The following TTN variants were observed in gnomAD, a reference collection of about 807,000 sequenced individuals.
TTN encodes the protein connectin.
Under a neutral mutation model 3,223.0 loss-of-function variants are expected in TTN, and 1,525 were observed. The ratio of observed to expected loss-of-function variants is 0.47; its 90% confidence interval spans 0.45 to 0.49. The LOEUF is 0.49. TTN is among the 20% of genes least tolerant of loss of function. TTN has a pLI of 0.00. For missense variants in TTN, 40,786 were observed against 43,424.0 expected (o/e 0.94, Z 5.40); for synonymous variants, 14,094 against 15,161.0 (o/e 0.93, Z 5.17).
rs1334818811 is a variant in TTN, at chr2:178,777,150, T to G, written c.4813A>C (p.Arg1605=). Reference sequence around the variant, plus strand: ...TAGCTTTATTATTTCCATACTTACCTGATTTTGGGATATTTATGAGGCACA... The same window carrying G: ...TAGCTTTATTATTTCCATACTTACCGGATTTTGGGATATTTATGAGGCACA... ...IIVPHKYPKI[R]IEGTKGEAAL... The change falls in exon 27 of 363, where the codon AGA becomes CGA. Residue 1605 remains arginine, a splice_region_variant and synonymous_variant. Coordinates refer to ENST00000589042, the MANE Select transcript of TTN (RefSeq NM_001267550.2). The G allele has an allele frequency of 6.2e-7, 1 of 1,614,130 alleles. No homozygotes were observed. The highest frequency in any genetic ancestry group is 1.7e-5 in the Admixed American group (1 of 60,032).
Position 178,756,688 on chromosome 2 carries a change from C to G in TTN, c.10788G>C (p.Lys3596Asn), listed in dbSNP as rs1242705642. The change falls in exon 46 of 363, where the codon AAG becomes AAC. Residue 3596 changes from lysine to asparagine, a missense_variant. Physicochemically the swap from Lys to Asn is moderately conservative, Grantham distance 94. Transcript: ENST00000589042. ...FTKEESKISQKEIKSFQGSSY... is the reference protein window; with the variant it reads ...FTKEESKISQNEIKSFQGSSY... ...ATGATCCTTGAAATGACTTAATTTC[C>G]TTTTGAGATATTTTGCTCTCCTCCT... The G allele has an allele frequency of 1.2e-6, 2 of 1,613,792 alleles. No homozygotes were observed. Among genetic ancestry groups the G allele is most frequent in the Non-Finnish European group, 1.7e-6 (2 of 1,179,808 alleles).
In TTN at chr2:178,714,458, A is replaced by G; in HGVS notation, c.26316T>C (p.Asp8772=). 6.2e-7 allele frequency: 1 copy of G among 1,613,630 alleles called. No homozygotes were observed. Among genetic ancestry groups the G allele is most frequent in the Admixed American group, 1.7e-5 (1 of 59,986 alleles). The stretch of plus-strand genomic sequence containing the variant: ...CACTTTCTCTAACGATTTCTCCCTT[A>G]TCTTTGAACCACACCACTGAAATGG... ...AEPISVVWFK[D]KGEIVRESDN... Residue 8772 remains aspartate (D), a synonymous_variant, in exon 91 of 363, where the codon GAT becomes GAC. Transcript: ENST00000589042.
chr2:178,611,778 A>G lies in TTN; in HGVS notation c.50531T>C (p.Leu16844Pro), dbSNP rs764983586. The change falls in exon 268 of 363, where the codon CTA becomes CCA. Residue 16844 changes from leucine (L) to proline (P), a missense_variant. Physicochemically the swap from Leu to Pro is moderately conservative, Grantham distance 98. Transcript: ENST00000589042. ...VGHPSEPTEILSIEDPTSPPS... is the reference protein window; with the variant it reads ...VGHPSEPTEIPSIEDPTSPPS... The stretch of plus-strand genomic sequence containing the variant: ...CTTACTTGTTGGATCTTCAATGGAT[A>G]GGATTTCTGTGGGTTCACTTGGGTG... 28 of 1,612,266 alleles carry G rather than the reference A, an allele frequency of 1.7e-5. No individual in the cohort carries two copies. Among genetic ancestry groups the G allele is most frequent in the Non-Finnish European group, 2.2e-5 (26 of 1,179,094 alleles).
At position 178,554,949 on chromosome 2, in the gene TTN, C is replaced by A; in HGVS notation, c.88510G>T (p.Asp29504Tyr). 5 of 1,613,768 alleles carry A rather than the reference C, an allele frequency of 3.1e-6. No homozygotes were observed. The highest frequency in any genetic ancestry group is 4.2e-6 in the Non-Finnish European group (5 of 1,179,816). Reference sequence around the variant, plus strand: ...TCATAGCATCCACTATTAAGGCGATCGGCATCTTTGATGAGTATAGATGCG... The same window carrying A: ...TCATAGCATCCACTATTAAGGCGATAGGCATCTTTGATGAGTATAGATGCG... Reference protein sequence around the residue: ...DLASILIKDADRLNSGCYELK... With the variant: ...DLASILIKDAYRLNSGCYELK... Residue 29504 changes from aspartate to tyrosine, a missense_variant, in exon 331 of 363, where the codon GAT becomes TAT. Physicochemically the swap from Asp to Tyr is radical, Grantham distance 160. Transcript: ENST00000589042.
rs753562502 is a variant in TTN at position 178,587,642 on chromosome 2, C to G, written c.63667G>C (p.Asp21223His). The G allele has an allele frequency of 2.5e-6, 4 of 1,612,614 alleles. No individual in the cohort carries two copies. Among genetic ancestry groups the G allele is most frequent in the East Asian group, 4.5e-5 (2 of 44,618 alleles). ...AGGAAGGCCATAGTGTCAACCAGAT[C>G]AACTTGTCCTTTTCTGACCACATTA... ...IDNVVRKGQV[D>H]LVDTMAFLVI... The change falls in exon 306 of 363, where the codon GAT becomes CAT. Residue 21223 changes from aspartate to histidine, a missense_variant. Asp to His is a moderately conservative substitution (Grantham distance 81). Coordinates refer to ENST00000589042, the MANE Select transcript of TTN (RefSeq NM_001267550.2).
chr2:178,542,274 G>A lies in TTN; in HGVS notation c.97482C>T (p.Arg32494=). 3 of 1,607,422 alleles carry A rather than the reference G, an allele frequency of 1.9e-6. No homozygotes were observed. Among genetic ancestry groups the A allele is most frequent in the Non-Finnish European group, 2.6e-6 (3 of 1,175,732 alleles). ...SYLQSEVIEC[R]SSIRIPGPPE... is the part of the protein sequence containing the mutation. ...GGCCTGTGGACTTACGGATGCTGCT[G>A]CGACACTCTATGACCTCAGACTGCA... The change falls in exon 349 of 363, where the codon CGC becomes CGT. Residue 32494 remains arginine, a synonymous_variant. Transcript: ENST00000589042.
At position 178,536,920 on chromosome 2, in the gene TTN, A is replaced by G; in HGVS notation, c.100171+18T>C. ...GGAACTTTACCATAGGAAGATACAG[A>G]AATCAAGTTGTACTCACCAAATGGA... On this transcript the variant is annotated intron_variant, in intron 356 of 362. Coordinates refer to ENST00000589042, the MANE Select transcript of TTN (RefSeq NM_001267550.2). 6.4e-7 allele frequency: 1 copy of G among 1,556,026 alleles called. No individual in the cohort carries two copies. Among genetic ancestry groups the G allele is most frequent in the Non-Finnish European group, 8.7e-7 (1 of 1,148,208 alleles).
At position 178,621,102 on chromosome 2, in the gene TTN, C is replaced by T; in HGVS notation, c.45616G>A (p.Glu15206Lys). The change falls in exon 246 of 363, where the codon GAA (glutamate) becomes AAA (lysine). Residue 15206 changes from glutamate to lysine, a missense_variant and splice_region_variant. Physicochemically the swap from Glu to Lys is moderately conservative, Grantham distance 56. Transcript: ENST00000589042. ...ARAAAHLTVI[E>K]KLRIVVPLKD... ...ACCCTAAAAGCAAGAACAAACTTAC[C>T]AATGACTGTCAAGTGAGCTGCTGCT... is the stretch of plus-strand genomic sequence containing the variant. 1 of 1,611,518 alleles carries T rather than the reference C, an allele frequency of 6.2e-7. No individual in the cohort carries two copies. Among genetic ancestry groups the T allele is most frequent in the South Asian group, 1.1e-5 (1 of 90,698 alleles).
At position 178,617,334 on chromosome 2, in the gene TTN, C is replaced by A; in HGVS notation, c.47751G>T (p.Leu15917=). 6.4e-7 allele frequency: 1 copy of A among 1,574,540 alleles called. No homozygotes were observed. Among genetic ancestry groups the A allele is most frequent in the South Asian group, 1.2e-5 (1 of 83,366 alleles). Residue 15917 remains leucine, a synonymous_variant, in exon 254 of 363, where the codon CTG becomes CTT. Coordinates refer to ENST00000589042, the MANE Select transcript of TTN (RefSeq NM_001267550.2). ...IRCNMKLVPE[L]TYKVTGLEKG... ...TATGCAAATGACCTACCTTGTAAGT[C>A]AGTTCAGGGACAAGTTTCATATTGC...
rs1416921994 is a variant in TTN, at chr2:178,593,329, T to C, written c.58879A>G (p.Arg19627Gly). ...GGATGAATAGGATCTTTGGTAACTCTAGCCCATCGTTTAGACATAGTTTCT... is the reference window on the plus strand; with the variant it reads ...GGATGAATAGGATCTTTGGTAACTCCAGCCCATCGTTTAGACATAGTTTCT... ...KRETMSKRWA[R>G]VTKDPIHPYT... The change falls in exon 299 of 363, where the codon AGA becomes GGA. Residue 19627 changes from arginine to glycine, a missense_variant. Physicochemically the swap from Arg to Gly is moderately radical, Grantham distance 125 (BLOSUM62 -2). Transcript: ENST00000589042. The C allele has an allele frequency of 6.2e-7, 1 of 1,613,418 alleles. No homozygotes were observed. Among genetic ancestry groups the C allele is most frequent in the African/African-American group, 1.3e-5 (1 of 75,004 alleles).
In TTN at chr2:178,602,139, C is replaced by T; in HGVS notation, c.55132G>A (p.Val18378Ile). 6.2e-7 allele frequency: 1 copy of T among 1,604,546 alleles called. No homozygotes were observed. Among genetic ancestry groups the T allele is most frequent in the East Asian group, 2.2e-5 (1 of 44,554 alleles). Residue 18378 changes from valine to isoleucine, a missense_variant, in exon 284 of 363, where the codon GTT becomes ATT. Val to Ile is a conservative substitution (Grantham distance 29). Coordinates refer to ENST00000589042, the MANE Select transcript of TTN (RefSeq NM_001267550.2). ...PATDIQEEPE[V>I]FIDIGAQDCL... Reference sequence around the variant, plus strand: ...TCCTGTGCTCCAATGTCAATGAAAACTTCTGGTTCCTCTGTAATACCACAT... The same window carrying T: ...TCCTGTGCTCCAATGTCAATGAAAATTTCTGGTTCCTCTGTAATACCACAT...
At chr2:178,709,509 A>G in intron 99 of TTN, 57 bp downstream of exon 99, 1 of 1,534,222 alleles carries the variant, frequency 6.5e-7, no homozygotes, top group Non-Finnish European at 8.8e-7. Context: ...ATGCTCATGG[A>G]TATATAACAG....
In TTN at chr2:178,533,032, T is replaced by C. The variant is rs745616639; in HGVS notation, c.103583A>G (p.Glu34528Gly). ...TVKGEFRLEI[E>G]EKKEERKLRM... ...GAGTTTTCTCTCCTCCTTCTTTTCT[T>C]CTATCTCAAGTCTGAATTCCCCTTT... is the stretch of plus-strand genomic sequence containing the variant. Residue 34528 changes from glutamate (E) to glycine (G), a missense_variant, in exon 358 of 363, where the codon GAA (glutamate) becomes GGA (glycine). Glu to Gly is a moderately conservative substitution (Grantham distance 98, BLOSUM62 -2). Coordinates refer to ENST00000589042, the MANE Select transcript of TTN (RefSeq NM_001267550.2). 35 of 1,613,838 alleles carry C rather than the reference T, an allele frequency of 2.2e-5. No homozygotes were observed. In the Admixed American group the frequency reaches 5.7e-4, roughly 26 times the overall value.
In TTN at chr2:178,604,881, T is replaced by G. The variant is rs138240658; in HGVS notation, c.54208A>C (p.Arg18070=). ...VEVYDRPSPP[R]NLAVTDIKAE... is the part of the protein sequence containing the mutation. ...TTAATGTCAGTAACAGCAAGATTTC[T>G]TGGTGGGGATGGGCGGTCTGGAAAG... The change falls in exon 281 of 363, where the codon AGA becomes CGA. Residue 18070 remains arginine, a synonymous_variant. Transcript: ENST00000589042. The G allele has an allele frequency of 3.8e-4, 606 of 1,611,868 alleles. 1 individual carries two copies. The African/African-American group carries it at 7.4e-3, about 20-fold the overall frequency.
intron 312 of TTN, 140 bp from the exon 313 acceptor site, chr2:178,583,367 A>G: frequency 2.2e-6 from 2 of 905,648 alleles, no homozygotes; most frequent in Non-Finnish European, 3.1e-6. Flanking sequence ...TTTTTAATAG[A>G]CAAATAATAA....
chr2:178,801,725 G>C lies in TTN; in HGVS notation c.295+413C>G, dbSNP rs968557941. 2.6e-5 allele frequency among the ~76,000 whole-genome samples: 4 copies of C among 152,032 alleles called. No homozygotes were observed. In the East Asian group the frequency reaches 7.7e-4, roughly 29 times the overall value. The stretch of plus-strand genomic sequence containing the variant: ...ATGTTTACATGCCTCTTAAATGGGT[G>C]GTCTGTAGACTACCGGCATCAGAAT... On this transcript the variant is annotated intron_variant, in intron 3 of 362. Coordinates refer to ENST00000589042, the MANE Select transcript of TTN (RefSeq NM_001267550.2).
At chr2:178,778,582 C>A in intron 24 of TTN, 3 of 416,572 alleles carry the variant, frequency 7.2e-6, no homozygotes, top group Non-Finnish European at 1.3e-5. Context: ...CTTTTTATTG[C>A]AGGGCTGTTG....
chr2:178,742,042 T>C, intron 47 of TTN, 121 bp from the exon 48 acceptor site: 4 of 773,016 alleles, frequency 5.2e-6, no homozygotes, highest in Non-Finnish European at 7.1e-6. Context: ...ATGATTAGAT[T>C]ATTCCAAGAT....
intron 202 of TTN, 34 bp downstream of exon 202, chr2:178,652,424 T>A: frequency 1.9e-6 from 3 of 1,613,084 alleles, no homozygotes; most frequent in South Asian, 1.1e-5. Flanking sequence ...CAGAAGAGTT[T>A]GATCATCTGA....
Sources: allele counts gnomAD v4.1 joint callset (sites outside exome capture counted in the v4.1 genomes callset), GRCh38; gene constraint gnomAD v4.1.1; transcripts MANE v1.5; gene names NCBI Gene and HGNC (gene_info 2026-07-23, HGNC 2026-07-21).